Variants in ST6GALNAC3 observed in about 807,000 individuals in gnomAD.
The protein encoded by ST6GALNAC3 is ST6 N-acetylgalactosaminide alpha-2,6-sialyltransferase 3.
A neutral mutation model predicts 32.7 loss-of-function variants in ST6GALNAC3; 25 were observed. That is an observed-to-expected ratio of 0.76 (90% CI 0.56 to 1.07). The LOEUF is 1.07. Among genes scored for constraint, ST6GALNAC3 ranks in the 50% least tolerant of loss-of-function variants. ST6GALNAC3 has a pLI of 0.00. For missense variants in ST6GALNAC3, 355 were observed against 382.4 expected (o/e 0.93, Z 0.60); for synonymous variants, 129 against 133.1 (o/e 0.97, Z 0.21).
chr1:76,247,808 T>G (rs59666113), intron 1 of ST6GALNAC3, among the ~76,000 whole-genome samples: 38,641 of 151,112 alleles, frequency 0.26, 7,225 homozygotes, highest in African/African-American at 0.53. Context: ...CCTGGCTTCA[T>G]CCCCCTTTCC....
At chr1:76,447,247 C>G (rs1571256887) in intron 3 of ST6GALNAC3, among the ~76,000 whole-genome samples, 1 of 152,158 alleles carries the variant, frequency 6.6e-6, no homozygotes, top group East Asian at 1.9e-4. Flanking sequence ...CATTTTGCCC[C>G]TGTCCTAGAA....
At chr1:76,344,583 G>A (rs549701523) in intron 2 of ST6GALNAC3, among the ~76,000 whole-genome samples, 1 of 152,056 alleles carries the variant, frequency 6.6e-6, no homozygotes, top group Admixed American at 6.5e-5. Flanking sequence ...AAGAGTAACC[G>A]GCACATAGTA....
intron 3 of ST6GALNAC3, among the ~76,000 whole-genome samples, chr1:76,507,006 C>A (rs1016463416): frequency 3.3e-5 from 5 of 152,156 alleles, no homozygotes; most frequent in Admixed American, 6.5e-5. Context: ...CAGAAAGAAG[C>A]AAGCAGGATC....
rs543755262 is a variant in ST6GALNAC3, at chr1:76,478,919, C to T, written c.623+66502C>T. Among the ~76,000 whole-genome samples the T allele has an allele frequency of 2.3e-3, 351 of 151,826 alleles. 3 individuals carry two copies. The highest frequency in any genetic ancestry group is 4.5e-3 in the Admixed American group (69 of 15,252). Reference sequence around the variant, plus strand: ...CTGGGACCACAGGTGCCCGCCACCACGCCCGGCTAATTTTTTTGTATTTTT... The same window carrying T: ...CTGGGACCACAGGTGCCCGCCACCATGCCCGGCTAATTTTTTTGTATTTTT... On this transcript the variant is annotated intron_variant, in intron 3 of 4. Coordinates refer to ENST00000328299, the MANE Select transcript of ST6GALNAC3 (RefSeq NM_152996.4).
intron 3 of ST6GALNAC3, chr1:76,576,874 T>C: frequency 1.5e-6 from 2 of 1,304,738 alleles, no homozygotes; most frequent in South Asian, 1.2e-5. Context: ...TGTTGATTGA[T>C]CGAACAGCAA....
intron 2 of ST6GALNAC3, among the ~76,000 whole-genome samples, chr1:76,332,699 G>T (rs1647211686): frequency 6.6e-6 from 1 of 152,058 alleles, no homozygotes; most frequent in South Asian, 2.1e-4. Flanking sequence ...ACAGATTCTG[G>T]TATCTGCCCA....
At chr1:76,508,838 C>A (rs994652576) in intron 3 of ST6GALNAC3, among the ~76,000 whole-genome samples, 1 of 152,140 alleles carries the variant, frequency 6.6e-6, no homozygotes, top group Non-Finnish European at 1.5e-5. Flanking sequence ...CAGCTGATTT[C>A]TGAGAAACTG....
At chr1:76,594,284 G>A (rs1647095539) in intron 3 of ST6GALNAC3, among the ~76,000 whole-genome samples, 1 of 152,046 alleles carries the variant, frequency 6.6e-6, no homozygotes, top group African/African-American at 2.4e-5. Flanking sequence ...TTACAAATAT[G>A]ACATTCTTTT....
chr1:76,571,891 A>C (rs964692899), intron 3 of ST6GALNAC3, among the ~76,000 whole-genome samples: 2 of 152,086 alleles, frequency 1.3e-5, no homozygotes, highest in Non-Finnish European at 1.5e-5. Flanking sequence ...TACCCTATTA[A>C]GAAAAAAGGG....
chr1:76,271,583 A>C (rs917497974), intron 1 of ST6GALNAC3, among the ~76,000 whole-genome samples: 1 of 152,236 alleles, frequency 6.6e-6, no homozygotes, highest in Non-Finnish European at 1.5e-5. Context: ...AGACAATTCT[A>C]TCTGGAAAGT....
chr1:76,328,534 T>C (rs1647124431), intron 2 of ST6GALNAC3, among the ~76,000 whole-genome samples: 2 of 152,210 alleles, frequency 1.3e-5, no homozygotes, highest in South Asian at 4.1e-4. Context: ...TTTTATGAGT[T>C]ACTCAAGCCC....
chr1:76,362,583 A>T (rs917581354), intron 2 of ST6GALNAC3, among the ~76,000 whole-genome samples: 1 of 152,260 alleles, frequency 6.6e-6, no homozygotes, highest in Non-Finnish European at 1.5e-5. Context: ...CAAGTTACTT[A>T]CTTCCAAGAT....
intron 2 of ST6GALNAC3, among the ~76,000 whole-genome samples, chr1:76,334,722 A>T (rs923661567): frequency 2.0e-5 from 3 of 152,174 alleles, no homozygotes; most frequent in Admixed American, 6.6e-5. Flanking sequence ...CACAGCTGAA[A>T]CCCTAGAAAG....
Position 76,412,367 on chromosome 1 carries a change from G to A in ST6GALNAC3, c.573G>A (p.Lys191=), listed in dbSNP as rs1557865677. 1 of 1,612,710 alleles carries A rather than the reference G, an allele frequency of 6.2e-7. No homozygotes were observed. The highest frequency in any genetic ancestry group is 1.1e-5 in the South Asian group (1 of 91,004). ...CCCAAATATACGTGACCACAGAGAA[G>A]CGCATGAGTTACTGTGATGGAGTTT... ...PNAQIYVTTE[K]RMSYCDGVFK... The change falls in exon 3 of 5, where the codon AAG becomes AAA. Residue 191 remains lysine (K), a synonymous_variant. Coordinates refer to ENST00000328299, the MANE Select transcript of ST6GALNAC3 (RefSeq NM_152996.4).
chr1:76,077,599 G>T (rs1391346352), intron 1 of ST6GALNAC3, among the ~76,000 whole-genome samples: 1 of 152,206 alleles, frequency 6.6e-6, no homozygotes, highest in African/African-American at 2.4e-5. Context: ...TCGATTGTGA[G>T]AAAGTGGGAA....
chr1:76,120,235 G>A (rs1048591482), intron 1 of ST6GALNAC3, among the ~76,000 whole-genome samples: 4 of 152,350 alleles, frequency 2.6e-5, no homozygotes, highest in Admixed American at 2.0e-4. Context: ...CAGTTCCTGA[G>A]AGTGCTGAGG....
intron 3 of ST6GALNAC3, among the ~76,000 whole-genome samples, chr1:76,440,049 C>T (rs1656431741): frequency 6.6e-6 from 1 of 152,164 alleles, no homozygotes. Context: ...CAGACCCTGA[C>T]ATCTAGCATG....
intron 1 of ST6GALNAC3, among the ~76,000 whole-genome samples, chr1:76,201,448 C>CG (rs1200248341): frequency 4.6e-5 from 7 of 152,132 alleles, no homozygotes; most frequent in African/African-American, 1.7e-4. Context: ...TCCCACAACA[C>CG]ATGGGAATTA....
chr1:76,628,049 G>T (rs1432758296), intron 4 of ST6GALNAC3, among the ~76,000 whole-genome samples: 1 of 151,922 alleles, frequency 6.6e-6, no homozygotes, highest in Non-Finnish European at 1.5e-5. Flanking sequence ...TATTTAAAAT[G>T]AGTGTGTTTA....
Sources: allele counts gnomAD v4.1 joint callset (sites outside exome capture counted in the v4.1 genomes callset), GRCh38; gene constraint gnomAD v4.1.1; transcripts MANE v1.5; gene names NCBI Gene and HGNC (gene_info 2026-07-23, HGNC 2026-07-21).